The following PFKFB3 variants were observed in gnomAD, a reference collection of about 807,000 sequenced individuals.
PFKFB3 encodes 6-phosphofructo-2-kinase/fructose-2,6-bisphosphatase 3.
PFKFB3 carries 33 observed loss-of-function variants against 68.0 expected under a neutral mutation model. That is an observed-to-expected ratio of 0.49 (90% confidence interval 0.37 to 0.65). The LOEUF is 0.65. PFKFB3 is among the 30% of genes least tolerant of loss of function. The probability of loss-of-function intolerance (pLI) is 0.00; values close to 1 mark genes in which losing one functional copy is unlikely to be tolerated. For synonymous variants in PFKFB3, 315 were observed against 288.2 expected (o/e 1.09, Z -0.94); for missense variants, 586 against 712.2 (o/e 0.82, Z 2.02).
intron 14 of PFKFB3, among the ~76,000 whole-genome samples, chr10:6,240,621 A>G (rs534478741): frequency 1.3e-5 from 2 of 152,240 alleles, no homozygotes; most frequent in South Asian, 2.1e-4. Flanking sequence ...GTTCCTGTCT[A>G]TGTTTCACCC....
chr10:6,221,738 C>G lies in PFKFB3; in HGVS notation c.1076C>G (p.Thr359Ser). ...GACAAGTACTATTACCGCTACCCCA[C>G]CGGGGAGGTGAGCGCAGGCTGGGGC... ...EQDKYYYRYP[T>S]GESYQDLVQR... Residue 359 changes from threonine (T) to serine (S), a missense_variant, in exon 10 of 15, where the codon ACC becomes AGC. Transcript: ENST00000379775. 3.1e-6 allele frequency: 5 copies of G among 1,596,514 alleles called. No homozygotes were observed. The highest frequency in any genetic ancestry group is 4.3e-6 in the Non-Finnish European group (5 of 1,172,420).
chr10:6,305,003 G>T, the PFKFB3 span, among the ~76,000 whole-genome samples: 1 of 34,400 alleles, frequency 2.9e-5, no homozygotes, highest in Non-Finnish European at 6.2e-5. Context: ...AAAATATTAG[G>T]AATTTTTTTT....
the PFKFB3 span, among the ~76,000 whole-genome samples, chr10:6,305,828 C>T: frequency 5.9e-5 from 9 of 152,128 alleles, no homozygotes; most frequent in Admixed American, 2.6e-4. Flanking sequence ...ACACTTTAAA[C>T]GTAAATATCC....
chr10:6,226,288 G>C lies in PFKFB3; in HGVS notation c.1438G>C (p.Glu480Gln). Reference sequence around the variant, plus strand: ...CAAAAAGCCTCGCATCAACAGCTTTGAGGAGCATGTGGCCTCCACCTCGGC... The same window carrying C: ...CAAAAAGCCTCGCATCAACAGCTTTCAGGAGCATGTGGCCTCCACCTCGGC... ...PTKKPRINSFEEHVASTSAAL... is the reference protein window; with the variant it reads ...PTKKPRINSFQEHVASTSAAL... The change falls in exon 14 of 15, where the codon GAG becomes CAG. Residue 480 changes from glutamate (E) to glutamine (Q), a missense_variant. Coordinates refer to ENST00000379775, the MANE Select transcript of PFKFB3 (RefSeq NM_004566.4). The C allele has an allele frequency of 6.2e-7, 1 of 1,614,190 alleles. No homozygotes were observed. Among genetic ancestry groups the C allele is most frequent in the Non-Finnish European group, 8.5e-7 (1 of 1,180,028 alleles).
chr10:6,218,827 C>A (rs1844763761), intron 6 of PFKFB3, among the ~76,000 whole-genome samples: 1 of 152,240 alleles, frequency 6.6e-6, no homozygotes, highest in Admixed American at 6.5e-5. Context: ...TTCTCATCTT[C>A]CCCGGCTGAA....
At chr10:6,258,562 G>C (rs757560483), downstream of PFKFB3, among the ~76,000 whole-genome samples, 1 of 152,224 alleles carries the variant, frequency 6.6e-6, no homozygotes, top group Admixed American at 6.5e-5. Flanking sequence ...TACTGGACTG[G>C]AAATTGTGGC....
intron 1 of PFKFB3, among the ~76,000 whole-genome samples, chr10:6,177,934 C>G (rs150087757): frequency 1.3e-5 from 2 of 151,998 alleles, no homozygotes; most frequent in Non-Finnish European, 2.9e-5. Flanking sequence ...GAGGTGGGCA[C>G]GTGGGGTGGA....
chr10:6,199,655 TA>T (rs1233992509), upstream of PFKFB3, among the ~76,000 whole-genome samples: 4 of 126,180 alleles, frequency 3.2e-5, no homozygotes, highest in African/African-American at 1.1e-4. Context: ...CAGCTATTTT[TA>T]AATTTTTTTT....
chr10:6,217,035 T>C, intron 5 of PFKFB3, 100 bp from the exon 6 acceptor site: 4 of 1,185,934 alleles, frequency 3.4e-6, no homozygotes, highest in Admixed American at 3.4e-5. Flanking sequence ...AGTTGGTGGG[T>C]GGCGTGCTTC....
chr10:6,221,599 C>A (rs766922230), intron 9 of PFKFB3, 42 bp from the exon 10 acceptor site: 9 of 1,610,104 alleles, frequency 5.6e-6, no homozygotes, highest in Non-Finnish European at 5.9e-6. Flanking sequence ...CCCTAGACAC[C>A]CCTGTGGTTT....
At chr10:6,276,447 C>G in the PFKFB3 span, among the ~76,000 whole-genome samples, 2 of 151,586 alleles carry the variant, frequency 1.3e-5, no homozygotes, top group African/African-American at 4.8e-5. Context: ...AGAGAAATCT[C>G]TGTATGGGAG....
At position 6,229,265 on chromosome 10, in the gene PFKFB3, G is replaced by A. The variant is rs1227505738; in HGVS notation, c.1515+2900G>A. ...TGTCCTCCATGTCCACGTTCCTTAA[G>A]ACCACCCTGGGAGGTCGGCAGGGCA... On this transcript the variant is annotated intron_variant, in intron 14 of 14. Coordinates refer to ENST00000379775, the MANE Select transcript of PFKFB3 (RefSeq NM_004566.4). The surrounding 1 kb of genome is among the most constrained non-coding windows in gnomAD (Gnocchi z 4.3). 3 of 455,296 alleles carry A rather than the reference G, an allele frequency of 6.6e-6. No individual in the cohort carries two copies. The highest frequency in any genetic ancestry group is 1.4e-5 in the Non-Finnish European group (3 of 216,934). 28.2% of individuals were successfully genotyped at this position (455,296 alleles called of 1,614,324 possible).
At chr10:6,171,039 A>T (rs1348095843) in intron 1 of PFKFB3, among the ~76,000 whole-genome samples, 2 of 151,870 alleles carry the variant, frequency 1.3e-5, no homozygotes, top group Admixed American at 1.3e-4. Context: ...TATTATTATT[A>T]TTTTTTTATG....
chr10:6,259,353 TCCAC>T (rs1365895194), downstream of PFKFB3, among the ~76,000 whole-genome samples: 6 of 144,622 alleles, frequency 4.1e-5, no homozygotes, highest in South Asian at 1.5e-3. Flanking sequence ...CATCTACCCA[TCCAC>T]CCATCCATCC....
intron 1 of PFKFB3, among the ~76,000 whole-genome samples, chr10:6,164,381 G>T (rs1413254985): frequency 1.3e-5 from 2 of 152,228 alleles, no homozygotes. Context: ...GAAGGGTCAG[G>T]AAATAAGTCA....
the PFKFB3 span, among the ~76,000 whole-genome samples, chr10:6,273,321 T>C: frequency 2.0e-5 from 3 of 152,084 alleles, no homozygotes; most frequent in Admixed American, 2.0e-4. Flanking sequence ...CCTGGAGTTT[T>C]CCCCGTTCCT....
intron 14 of PFKFB3, among the ~76,000 whole-genome samples, chr10:6,232,475 T>C (rs1412190447): frequency 2.6e-5 from 4 of 151,998 alleles, no homozygotes; most frequent in African/African-American, 9.7e-5. Flanking sequence ...GTGGCTCTGT[T>C]TTGAGCTGAG....
At chr10:6,263,221 GA>G in the PFKFB3 span, among the ~76,000 whole-genome samples, 1 of 152,216 alleles carries the variant, frequency 6.6e-6, no homozygotes, top group Non-Finnish European at 1.5e-5. Context: ...CCGAATTAAA[GA>G]AATAGGTTGG....
intron 14 of PFKFB3, among the ~76,000 whole-genome samples, chr10:6,242,563 G>C (rs1352125559): frequency 6.7e-6 from 1 of 150,246 alleles, no homozygotes; most frequent in Admixed American, 7.0e-5. Flanking sequence ...TGTTCCCACC[G>C]TAGTGCCCTG....
Sources: allele counts gnomAD v4.1 joint callset (sites outside exome capture counted in the v4.1 genomes callset), GRCh38; gene constraint gnomAD v4.1.1; non-coding constraint Gnocchi (gnomAD v3.1); transcripts MANE v1.5; gene names NCBI Gene and HGNC (gene_info 2026-07-23, HGNC 2026-07-21).